NAV2: variants seen among roughly 807,000 people sequenced by gnomAD.
NAV2 encodes the protein helicase, APC down-regulated 1.
Under a neutral mutation model 223.2 loss-of-function variants are expected in NAV2, and 54 were observed. That is an observed-to-expected ratio of 0.24 (90% CI 0.19 to 0.30). The LOEUF (loss-of-function observed/expected upper bound fraction) is 0.30. Among genes scored for constraint, NAV2 ranks in the 10% least tolerant of loss-of-function variants. The pLI, the probability that NAV2 is intolerant of heterozygous loss-of-function variation, is 1.00. For missense variants in NAV2, 2,806 were observed against 3,147.5 expected, an observed-to-expected ratio of 0.89 and a Z score of 2.60; for synonymous variants, 1,279 against 1,239.3, an observed-to-expected ratio of 1.03 and a Z score of -0.67.
At chr11:19,547,211 G>C (rs774151427) in intron 1 of NAV2, among the ~76,000 whole-genome samples, 1 of 152,192 alleles carries the variant, frequency 6.6e-6, no homozygotes, top group East Asian at 1.9e-4. Flanking sequence ...GCAGTTGTTC[G>C]TTGAAGTAGC....
At chr11:19,477,997 A>G (rs1276968216) in intron 1 of NAV2, among the ~76,000 whole-genome samples, 1 of 152,230 alleles carries the variant, frequency 6.6e-6, no homozygotes, top group Non-Finnish European at 1.5e-5. Context: ...ATCATGGCAA[A>G]TTCAGCAGGT....
chr11:19,835,792 T>G (rs543558918), intron 2 of NAV2, among the ~76,000 whole-genome samples: 2 of 151,288 alleles, frequency 1.3e-5, no homozygotes, highest in South Asian at 2.1e-4. Context: ...TTTATATATA[T>G]CTACATAAAA....
chr11:19,441,448 G>GCACA (rs150858991), intron 1 of NAV2, among the ~76,000 whole-genome samples: 4,105 of 145,914 alleles, frequency 0.028, 155 homozygotes, highest in African/African-American at 0.09. Flanking sequence ...ACACACACAC[G>GCACA]CACACACACA....
intron 1 of NAV2, among the ~76,000 whole-genome samples, chr11:19,354,933 GT>G (rs936894605): frequency 2.0e-5 from 3 of 152,142 alleles, no homozygotes; most frequent in African/African-American, 7.2e-5. Context: ...ACTTACCTGG[GT>G]GCCACATATA....
In NAV2 at chr11:20,097,676, G is replaced by C; in HGVS notation, c.6112G>C (p.Glu2038Gln). The change falls in exon 31 of 38, where the codon GAA (glutamate) becomes CAA (glutamine). Residue 2038 changes from glutamate (E) to glutamine (Q), a missense_variant. By Grantham distance (29) the Glu-to-Gln change is conservative. Coordinates refer to ENST00000349880, the MANE Select transcript of NAV2 (RefSeq NM_145117.5). ...IGEIKRSNTS[E>Q]TPELLPCGYL... Reference sequence around the variant, plus strand: ...AGAAATCAAGCGCAGCAACACTTCCGAAACACCGGAGCTGCTTCCTTGTGG... The same window carrying C: ...AGAAATCAAGCGCAGCAACACTTCCCAAACACCGGAGCTGCTTCCTTGTGG... 1.9e-6 allele frequency: 3 copies of C among 1,613,384 alleles called. No homozygotes were observed. The highest frequency in any genetic ancestry group is 2.5e-6 in the Non-Finnish European group (3 of 1,179,838).
chr11:19,401,266 T>C (rs1849673826), intron 1 of NAV2, among the ~76,000 whole-genome samples: 1 of 152,244 alleles, frequency 6.6e-6, no homozygotes, highest in Non-Finnish European at 1.5e-5. Flanking sequence ...ACCAAATTTC[T>C]TTTTCTTTGG....
chr11:19,986,965 A>G (rs1330000279), intron 11 of NAV2, among the ~76,000 whole-genome samples: 1 of 152,256 alleles, frequency 6.6e-6, no homozygotes, highest in African/African-American at 2.4e-5. Flanking sequence ...GTGGGAGGCT[A>G]TCATGGTGGT....
rs140069928 is a variant in NAV2 at position 19,993,156 on chromosome 11, G to T, written c.2768+8909G>T. The stretch of plus-strand genomic sequence containing the variant: ...AATAACTTCATGTGTTTTAATCTGG[G>T]TACCTGTGAATGTTTTTGTATGAGT... On this transcript the variant is annotated intron_variant, in intron 11 of 37. Coordinates refer to ENST00000349880, the MANE Select transcript of NAV2 (RefSeq NM_145117.5). Among the ~76,000 whole-genome samples the T allele has an allele frequency of 3.9e-3, 596 of 152,224 alleles. 3 individuals carry two copies. Among genetic ancestry groups the T allele is most frequent in the Non-Finnish European group, 5.7e-3 (389 of 68,024 alleles).
chr11:19,652,618 G>A (rs2048002413), intron 1 of NAV2, among the ~76,000 whole-genome samples: 1 of 152,170 alleles, frequency 6.6e-6, no homozygotes, highest in South Asian at 2.1e-4. Context: ...GCAATCACTA[G>A]CACAGAAGGA....
intron 11 of NAV2, among the ~76,000 whole-genome samples, chr11:19,997,099 A>G (rs561629509): frequency 6.6e-6 from 1 of 152,220 alleles, no homozygotes; most frequent in Admixed American, 6.5e-5. Flanking sequence ...CTTGTGGGCA[A>G]CCTATGAGTA....
intron 1 of NAV2, among the ~76,000 whole-genome samples, chr11:19,474,367 A>G (rs978426147): frequency 1.3e-5 from 2 of 152,282 alleles, no homozygotes; most frequent in African/African-American, 2.4e-5. Context: ...GATCTGCTGC[A>G]TTCTGTATTC....
intron 1 of NAV2, among the ~76,000 whole-genome samples, chr11:19,763,378 C>T (rs1023130645): frequency 1.3e-5 from 2 of 152,184 alleles, no homozygotes; most frequent in Non-Finnish European, 2.9e-5. Context: ...TTCTTGCCTT[C>T]GACTATCAGA....
chr11:19,945,052 TTTTCTCTTTC>T (rs2046781903), intron 8 of NAV2, among the ~76,000 whole-genome samples: 1 of 149,996 alleles, frequency 6.7e-6, no homozygotes, highest in Non-Finnish European at 1.5e-5. Context: ...TTTCCTTTCC[TTTTCTCTTTC>T]CTTTCCTTTC....
At chr11:19,452,209 C>T (rs1206115849) in intron 1 of NAV2, among the ~76,000 whole-genome samples, 2 of 151,964 alleles carry the variant, frequency 1.3e-5, no homozygotes, top group Non-Finnish European at 2.9e-5. Context: ...GTGGATAACC[C>T]TCCAGAGATC....
At chr11:19,351,110 G>C in intron 1 of NAV2, 1 of 1,326,164 alleles carries the variant, frequency 7.5e-7, no homozygotes, top group South Asian at 1.3e-5. Flanking sequence ...GGTCATCATC[G>C]AGCATGCTTG....
chr11:19,595,786 A>C (rs2046191362), intron 1 of NAV2, among the ~76,000 whole-genome samples: 1 of 151,834 alleles, frequency 6.6e-6, no homozygotes, highest in African/African-American at 2.4e-5. Context: ...GGTCTCAAAC[A>C]TCTGGACTTA....
intron 11 of NAV2, among the ~76,000 whole-genome samples, chr11:19,993,889 A>T (rs571316842): frequency 6.6e-6 from 1 of 152,364 alleles, no homozygotes; most frequent in Admixed American, 6.5e-5. Flanking sequence ...CTGAGCACCT[A>T]CTATGCAACG....
intron 1 of NAV2, among the ~76,000 whole-genome samples, chr11:19,481,076 G>C (rs2042264358): frequency 6.6e-6 from 1 of 152,078 alleles, no homozygotes; most frequent in African/African-American, 2.4e-5. Flanking sequence ...AGGTTTTAGG[G>C]GACAGATCTT....
At chr11:19,974,155 T>C (rs887695146) in intron 10 of NAV2, among the ~76,000 whole-genome samples, 1 of 152,228 alleles carries the variant, frequency 6.6e-6, no homozygotes, top group Non-Finnish European at 1.5e-5. Context: ...CAACTAATTC[T>C]TAGGGAAACT....
Sources: allele counts gnomAD v4.1 joint callset (sites outside exome capture counted in the v4.1 genomes callset), GRCh38; gene constraint gnomAD v4.1.1; transcripts MANE v1.5; gene names NCBI Gene and HGNC (gene_info 2026-07-23, HGNC 2026-07-21).